The following ASTN2 variants were observed in gnomAD, a reference collection of about 807,000 sequenced individuals.
ASTN2 encodes the protein astrotactin 2.
Under a neutral mutation model 139.8 loss-of-function variants are expected in ASTN2, and 54 were observed. That is an observed-to-expected ratio of 0.39 (90% CI 0.31 to 0.48). The LOEUF is 0.48. Among genes scored for constraint, ASTN2 ranks in the 20% least tolerant of loss-of-function variants. ASTN2 has a pLI of 0.95. For synonymous variants in ASTN2, 756 were observed against 719.5 expected, an observed-to-expected ratio of 1.05 and a Z score of -0.81; for missense variants, 1,565 against 1,725.1, an observed-to-expected ratio of 0.91 and a Z score of 1.64.
intron 12 of ASTN2, among the ~76,000 whole-genome samples, chr9:116,817,204 T>G (rs966648600): frequency 4.0e-5 from 6 of 151,062 alleles, no homozygotes; most frequent in Non-Finnish European, 8.8e-5. Context: ...TGAGGCAGGA[T>G]AATCGCTTGA....
chr9:116,691,473 GA>G (rs565537656), intron 16 of ASTN2, among the ~76,000 whole-genome samples: 399 of 152,266 alleles, frequency 2.6e-3, no homozygotes, highest in Admixed American at 8.8e-3. Context: ...TGTTTTCCAG[GA>G]AACCCTATTA....
At chr9:117,215,181 C>T (rs7847062) in intron 2 of ASTN2, among the ~76,000 whole-genome samples, 48,760 of 152,026 alleles carry the variant, frequency 0.32, 7,946 homozygotes, top group East Asian at 0.42. Context: ...CAGTTGCCTA[C>T]GCTCCCCCAG....
chr9:116,898,026 T>A (rs2132399298), intron 10 of ASTN2, among the ~76,000 whole-genome samples: 1 of 152,204 alleles, frequency 6.6e-6, no homozygotes, highest in Non-Finnish European at 1.5e-5. Flanking sequence ...AAAGCAGAAT[T>A]GATTCATGCA....
rs148132442 is a variant in ASTN2, at chr9:117,027,336, T to G, written c.1423+12483A>C. On this transcript the variant is annotated intron_variant, in intron 6 of 22. Transcript: ENST00000313400. ...CTGCCTTGCCCTTTGTAAAAGCAACTGTGACTCTTCCACTCCTTTTATTAA... is the reference window on the plus strand; with the variant it reads ...CTGCCTTGCCCTTTGTAAAAGCAACGGTGACTCTTCCACTCCTTTTATTAA... Among the ~76,000 whole-genome samples, 92 of 152,260 alleles carry G rather than the reference T, an allele frequency of 6.0e-4. 1 individual carries two copies. Among genetic ancestry groups the G allele is most frequent in the African/African-American group, 2.1e-3 (89 of 41,570 alleles).
At chr9:117,163,142 A>T (rs1830591260) in intron 3 of ASTN2, among the ~76,000 whole-genome samples, 2 of 152,064 alleles carry the variant, frequency 1.3e-5, no homozygotes, top group Admixed American at 6.6e-5. Context: ...GGGAGGAGGT[A>T]AGTGACAAAG....
intron 2 of ASTN2, among the ~76,000 whole-genome samples, chr9:117,258,301 G>A (rs183303331): frequency 6.6e-6 from 1 of 152,272 alleles, no homozygotes; most frequent in East Asian, 1.9e-4. Context: ...GGGCATTAAT[G>A]TAGGCCAAGT....
intron 19 of ASTN2, among the ~76,000 whole-genome samples, chr9:116,603,529 G>A (rs903495352): frequency 1.3e-5 from 2 of 152,206 alleles, no homozygotes; most frequent in African/African-American, 4.8e-5. Context: ...CTTACCTATT[G>A]TGATGGCAAG....
intron 7 of ASTN2, among the ~76,000 whole-genome samples, chr9:117,003,945 C>CGT (rs1837272962): frequency 1.5e-5 from 2 of 129,638 alleles, no homozygotes; most frequent in Admixed American, 1.4e-4. Flanking sequence ...CTTTCACGCG[C>CGT]GCGCGCGCGT....
At chr9:117,062,420 C>T (rs1206815384) in intron 5 of ASTN2, among the ~76,000 whole-genome samples, 2 of 152,160 alleles carry the variant, frequency 1.3e-5, no homozygotes, top group Non-Finnish European at 2.9e-5. Flanking sequence ...GCTCAGAATT[C>T]CCTATGAGAC....
intron 19 of ASTN2, among the ~76,000 whole-genome samples, chr9:116,599,689 G>C (rs1349473652): frequency 2.0e-5 from 3 of 152,198 alleles, no homozygotes; most frequent in Non-Finnish European, 4.4e-5. Flanking sequence ...AAATACACAA[G>C]GTGCCCCTAG....
At chr9:117,050,632 G>A (rs1339989264) in intron 5 of ASTN2, among the ~76,000 whole-genome samples, 1 of 152,116 alleles carries the variant, frequency 6.6e-6, no homozygotes, top group Non-Finnish European at 1.5e-5. Flanking sequence ...AATATGAACA[G>A]AGCTAGAATA....
Position 116,620,291 on chromosome 9 carries a change from A to C in ASTN2, c.3206+19T>G. Reference sequence around the variant, plus strand: ...CACGAAAAGGGATGGCCAAAGGAAAAGGGGCCATACATACGTACACCGGCT... The same window carrying C: ...CACGAAAAGGGATGGCCAAAGGAAACGGGGCCATACATACGTACACCGGCT... On this transcript the variant is annotated intron_variant, in intron 18 of 22. Transcript: ENST00000313400. 1 of 1,613,902 alleles carries C rather than the reference A, an allele frequency of 6.2e-7. No homozygotes were observed. The highest frequency in any genetic ancestry group is 8.5e-7 in the Non-Finnish European group (1 of 1,179,920).
At chr9:116,609,328 C>CTCTATA (rs140484650) in intron 19 of ASTN2, among the ~76,000 whole-genome samples, 37 of 122,536 alleles carry the variant, frequency 3.0e-4, no homozygotes, top group South Asian at 1.4e-3. Flanking sequence ...CTCTCTCTCT[C>CTCTATA]TATATATATA....
At chr9:116,910,748 A>G (rs190477807) in intron 10 of ASTN2, among the ~76,000 whole-genome samples, 10 of 152,318 alleles carry the variant, frequency 6.6e-5, no homozygotes, top group Admixed American at 5.2e-4. Flanking sequence ...GATTCTTCTC[A>G]TTACTTATAT....
chr9:117,264,910 A>G (rs1833908031), intron 2 of ASTN2, among the ~76,000 whole-genome samples: 1 of 152,250 alleles, frequency 6.6e-6, no homozygotes, highest in Admixed American at 6.5e-5. Context: ...TTTCGGAACC[A>G]AACTTCAGGA....
intron 3 of ASTN2, chr9:117,181,237 G>A (rs1355500877): frequency 3.5e-6 from 2 of 565,794 alleles, no homozygotes; most frequent in African/African-American, 1.9e-5. Context: ...TCACAGCAAT[G>A]TATAAGCTGA....
intron 19 of ASTN2, among the ~76,000 whole-genome samples, chr9:116,521,813 C>CAAAG (rs138477218): frequency 1.8e-4 from 27 of 150,582 alleles, no homozygotes; most frequent in African/African-American, 6.3e-4. Context: ...GCAAGAAAAA[C>CAAAG]AAACAAACAA....
intron 16 of ASTN2, among the ~76,000 whole-genome samples, chr9:116,707,565 GAAAAT>G (rs1183959740): frequency 6.6e-6 from 1 of 151,834 alleles, no homozygotes; most frequent in Non-Finnish European, 1.5e-5. Context: ...CCACCAAAAG[GAAAAT>G]AAAATAAACT....
At chr9:116,853,553 C>T (rs1300813338) in intron 11 of ASTN2, among the ~76,000 whole-genome samples, 1 of 152,208 alleles carries the variant, frequency 6.6e-6, no homozygotes, top group East Asian at 1.9e-4. Context: ...CTCTGCATTG[C>T]CTCTTGTATC....
Sources: allele counts gnomAD v4.1 joint callset (sites outside exome capture counted in the v4.1 genomes callset), GRCh38; gene constraint gnomAD v4.1.1; transcripts MANE v1.5; gene names NCBI Gene and HGNC (gene_info 2026-07-23, HGNC 2026-07-21).